The following PLCB2 variants were observed in gnomAD, a reference collection of about 807,000 sequenced individuals.
The protein encoded by PLCB2 is 1-phosphatidylinositol 4,5-bisphosphate phosphodiesterase beta-2.
Under a neutral mutation model 141.7 loss-of-function variants are expected in PLCB2, and 115 were observed. The ratio of observed to expected loss-of-function variants is 0.81; its 90% CI spans 0.70 to 0.95. The LOEUF is 0.95. Ranked by LOEUF, PLCB2 falls within the 40% of genes least tolerant of loss-of-function variation. The pLI is 0.00. For synonymous variants in PLCB2, 603 were observed against 595.6 expected, an observed-to-expected ratio of 1.01 and a Z score of -0.18; for missense variants, 1,403 against 1,541.1, an observed-to-expected ratio of 0.91 and a Z score of 1.50.
At chr15:40,292,834 G>A (rs964416273) in intron 21 of PLCB2, 92 bp downstream of exon 21, 2 of 742,982 alleles carry the variant, frequency 2.7e-6, no homozygotes, top group African/African-American at 1.8e-5. Context: ...CTTAGGTAAG[G>A]CCTCACTCCA....
Position 40,291,147 on chromosome 15 carries a change from C to A in PLCB2, c.2907G>T (p.Pro969=). Residue 969 remains proline (P), a synonymous_variant, in exon 27 of 32, where the codon CCG becomes CCT. Transcript: ENST00000260402. ...LPREESAGAA[P]GEGPEGVDGR... The stretch of plus-strand genomic sequence containing the variant: ...CGTCCACGCCCTCAGGGCCCTCGCC[C>A]GGCGCGGCTCCGGCGCTCTCCTCGC... 1 of 1,571,028 alleles carries A rather than the reference C, an allele frequency of 6.4e-7. No individual in the cohort carries two copies. The highest frequency in any genetic ancestry group is 8.6e-7 in the Non-Finnish European group (1 of 1,166,196).
In PLCB2 at chr15:40,291,315, C is replaced by T. The variant is rs1340994543; in HGVS notation, c.2820G>A (p.Gly940=). 36 of 1,544,374 alleles carry T rather than the reference C, an allele frequency of 2.3e-5. No individual in the cohort carries two copies. Among genetic ancestry groups the T allele is most frequent in the Non-Finnish European group, 2.9e-5 (34 of 1,153,694 alleles). Residue 940 remains glycine (G), a synonymous_variant, in exon 26 of 32, where the codon GGG becomes GGA. Coordinates refer to ENST00000260402, the MANE Select transcript of PLCB2 (RefSeq NM_004573.3). Reference sequence around the variant, plus strand: ...GACCGAGCTTGCAGGCCCCGACGCCCCCCACGCCCGGTGGCCCGAGCTCCG... The same window carrying T: ...GACCGAGCTTGCAGGCCCCGACGCCTCCCACGCCCGGTGGCCCGAGCTCCG... ...QLAELGPPGV[G]GVGACKLGPG... is the part of the protein sequence containing the mutation.
chr15:40,298,734 GCTA>G (rs1395264475), intron 9 of PLCB2, 26 bp from the exon 10 acceptor site: 1 of 1,612,574 alleles, frequency 6.2e-7, no homozygotes. Context: ...TAGCTGTCAG[GCTA>G]CAACCCCGCT....
chr15:40,291,589 G>A lies in PLCB2; in HGVS notation c.2647+17C>T, dbSNP rs1284082498. On this transcript the variant is annotated intron_variant, in intron 25 of 31. Coordinates refer to ENST00000260402, the MANE Select transcript of PLCB2 (RefSeq NM_004573.3). Reference sequence around the variant, plus strand: ...CCCAGGCTCATCCCCGAGATCACCGGGCTCAGCAGGCCTTACCCGCAGCTT... The same window carrying A: ...CCCAGGCTCATCCCCGAGATCACCGAGCTCAGCAGGCCTTACCCGCAGCTT... 2.5e-6 allele frequency: 4 copies of A among 1,613,152 alleles called. No homozygotes were observed. The highest frequency in any genetic ancestry group is 3.4e-6 in the Non-Finnish European group (4 of 1,179,854).
At chr15:40,294,907 G>T (rs370115601) in intron 18 of PLCB2, 29 bp downstream of exon 18, 1 of 1,613,882 alleles carries the variant, frequency 6.2e-7, no homozygotes, top group South Asian at 1.1e-5. Context: ...ACCAGGGAAG[G>T]ATTCTTAGGG....
chr15:40,284,820 C>T (rs2039586404), downstream of PLCB2, among the ~76,000 whole-genome samples: 1 of 109,898 alleles, frequency 9.1e-6, no homozygotes, highest in Admixed American at 1.4e-4. Flanking sequence ...AGCCTGGAGA[C>T]AGAGTGAGAC....
At chr15:40,285,473 T>A (rs1447205602), downstream of PLCB2, 1 of 939,808 alleles carries the variant, frequency 1.1e-6, no homozygotes, top group African/African-American at 1.8e-5. Context: ...GCATAGTTAT[T>A]TCATTTTTTT....
chr15:40,306,995 G>A (rs1210447101), intron 1 of PLCB2, among the ~76,000 whole-genome samples: 1 of 152,234 alleles, frequency 6.6e-6, no homozygotes, highest in African/African-American at 2.4e-5. Context: ...TTGCTGACAG[G>A]CCTGCATCGG....
At chr15:40,293,070 G>A (rs2040021605) in intron 20 of PLCB2, 45 bp from the exon 21 acceptor site, 1 of 1,252,780 alleles carries the variant, frequency 8.0e-7, no homozygotes, top group Non-Finnish European at 1.1e-6. Flanking sequence ...GGAGAGAGGA[G>A]CCAAGCTGAC....
intron 9 of PLCB2, 21 bp from the exon 10 acceptor site, chr15:40,298,729 G>A (rs1043841161): frequency 2.5e-6 from 4 of 1,613,304 alleles, no homozygotes; most frequent in African/African-American, 1.3e-5. Context: ...GGAGATAGCT[G>A]TCAGGCTACA....
rs756932773 is a variant in PLCB2 at position 40,298,739 on chromosome 15, A to G, written c.851-31T>C. 13 of 1,612,612 alleles carry G rather than the reference A, an allele frequency of 8.1e-6. No homozygotes were observed. In the Admixed American group the frequency reaches 2.0e-4, roughly 25 times the overall value. On this transcript the variant is annotated intron_variant, in intron 9 of 31. Coordinates refer to ENST00000260402, the MANE Select transcript of PLCB2 (RefSeq NM_004573.3). ...GGACAGGAGATAGCTGTCAGGCTAC[A>G]ACCCCGCTGCCAAGGCAGGACAGGA...
chr15:40,299,235 G>C lies in PLCB2; in HGVS notation c.583-7C>G. On this transcript the variant is annotated splice_region_variant and splice_polypyrimidine_tract_variant and intron_variant, in intron 7 of 31. Transcript: ENST00000260402. ...CAGGATTGATGGCGTCATTCTAGGGGCATAGTAACCTTATTGCCCCTGCCC... is the reference window on the plus strand; with the variant it reads ...CAGGATTGATGGCGTCATTCTAGGGCCATAGTAACCTTATTGCCCCTGCCC... 8 of 1,596,390 alleles carry C rather than the reference G, an allele frequency of 5.0e-6. 1 individual carries two copies. The Middle Eastern group carries it at 1.3e-3, about 265-fold the overall frequency.
intron 7 of PLCB2, 194 bp from the exon 8 acceptor site, chr15:40,299,422 T>C (rs1485930443): frequency 5.6e-6 from 3 of 532,658 alleles, no homozygotes; most frequent in Non-Finnish European, 6.7e-6. Flanking sequence ...GCTGGTTTGC[T>C]CTGACCCTGA....
chr15:40,296,986 C>T, intron 13 of PLCB2, 78 bp from the exon 14 acceptor site: 2 of 1,421,650 alleles, frequency 1.4e-6, no homozygotes, highest in Non-Finnish European at 2.0e-6. Context: ...CAGGCATGCT[C>T]CCTCGGCCTC....
At position 40,299,122 on chromosome 15, in the gene PLCB2, A is replaced by T; in HGVS notation, c.683+6T>A. The T allele has an allele frequency of 6.2e-7, 1 of 1,604,664 alleles. No individual in the cohort carries two copies. Among genetic ancestry groups the T allele is most frequent in the Non-Finnish European group, 8.5e-7 (1 of 1,171,454 alleles). ...TCCCATGACCAGCACAACCCAAGAA[A>T]CTCACTAAGAAGTGAAGATCTCATC... On this transcript the variant is annotated splice_donor_region_variant and intron_variant, in intron 8 of 31. Coordinates refer to ENST00000260402, the MANE Select transcript of PLCB2 (RefSeq NM_004573.3).
At position 40,298,497 on chromosome 15, in the gene PLCB2, C is replaced by A. The variant is rs559312752; in HGVS notation, c.997+65G>T. The A allele has an allele frequency of 8.7e-6, 14 of 1,609,616 alleles. No homozygotes were observed. The South Asian group carries it at 1.4e-4, about 16-fold the overall frequency. ...TCAGGGCCAGCAGCATGTGGGCAAC[C>A]CCTGTGGAGGATGCAGGGAACCCCT... On this transcript the variant is annotated intron_variant, in intron 10 of 31. Transcript: ENST00000260402.
At chr15:40,285,754 TG>T, downstream of PLCB2, 1 of 985,430 alleles carries the variant, frequency 1.0e-6, no homozygotes, top group Non-Finnish European at 1.2e-6. Context: ...GGTGTACCCC[TG>T]GAACCTGTGT....
In PLCB2 at chr15:40,302,484, C is replaced by G; in HGVS notation, c.357G>C (p.Lys119Asn). 1 of 1,614,130 alleles carries G rather than the reference C, an allele frequency of 6.2e-7. No homozygotes were observed. The highest frequency in any genetic ancestry group is 8.5e-7 in the Non-Finnish European group (1 of 1,179,996). ...DLTFHNFVSY[K>N]ENVGKAWAED... ...CCTGGCACACCTTGCCCACGTTCTCCTTGTAGGAGACGAAGTTGTGGAAGG... is the reference window on the plus strand; with the variant it reads ...CCTGGCACACCTTGCCCACGTTCTCGTTGTAGGAGACGAAGTTGTGGAAGG... The change falls in exon 4 of 32, where the codon AAG becomes AAC. Residue 119 changes from lysine (K) to asparagine (N), a missense_variant. Physicochemically the swap from Lys to Asn is moderately conservative, Grantham distance 94. Coordinates refer to ENST00000260402, the MANE Select transcript of PLCB2 (RefSeq NM_004573.3).
At position 40,298,584 on chromosome 15, in the gene PLCB2, C is replaced by A; in HGVS notation, c.975G>T (p.Ser325=). The stretch of plus-strand genomic sequence containing the variant: ...CACCTGTCAGGTAGGTGTTGTGGGA[C>A]GAGTTGATGAAGTAATGATTGAGTG... ...TQPLNHYFIN[S]SHNTYLTAGQ... The change falls in exon 10 of 32, where the codon TCG becomes TCT. Residue 325 remains serine, a synonymous_variant. Transcript: ENST00000260402. 1 of 1,614,210 alleles carries A rather than the reference C, an allele frequency of 6.2e-7. No homozygotes were observed. The highest frequency in any genetic ancestry group is 8.5e-7 in the Non-Finnish European group (1 of 1,180,042).
Sources: allele counts gnomAD v4.1 joint callset (sites outside exome capture counted in the v4.1 genomes callset), GRCh38; gene constraint gnomAD v4.1.1; transcripts MANE v1.5; gene names NCBI Gene and HGNC (gene_info 2026-07-23, HGNC 2026-07-21).